Variants in PLOD2 observed in about 807,000 individuals in gnomAD.
PLOD2 encodes lysine hydroxylase 2.
PLOD2 carries 65 observed loss-of-function variants against 101.0 expected under a neutral mutation model. That is an observed-to-expected ratio of 0.64 (90% CI 0.53 to 0.79). PLOD2 has a LOEUF of 0.79. Ranked by LOEUF, PLOD2 falls within the 30% of genes least tolerant of loss-of-function variation. The pLI is 0.00. For missense variants in PLOD2, 909 were observed against 914.6 expected (o/e 0.99, Z 0.08); for synonymous variants, 314 against 302.9 (o/e 1.04, Z -0.38).
intron 12 of PLOD2, among the ~76,000 whole-genome samples, chr3:146,080,233 C>T (rs1417685384): frequency 2.8e-5 from 4 of 140,410 alleles, no homozygotes; most frequent in African/African-American, 5.2e-5. Flanking sequence ...ACATACACTA[C>T]GTTTTTTCCT....
chr3:146,085,607 C>T (rs1936739799), intron 10 of PLOD2: 1 of 311,314 alleles, frequency 3.2e-6, no homozygotes, highest in Non-Finnish European at 5.8e-6. Flanking sequence ...ACAAATGCAA[C>T]TTACATATCC....
chr3:146,139,273 T>C (rs2031402746), intron 1 of PLOD2, among the ~76,000 whole-genome samples: 1 of 152,184 alleles, frequency 6.6e-6, no homozygotes. Flanking sequence ...TCTTAAAAGA[T>C]GAGTCTCCTG....
Position 146,147,242 on chromosome 3 carries a change from A to G in PLOD2, c.109+13639T>C, listed in dbSNP as rs181991419. Among the ~76,000 whole-genome samples, 7 of 152,320 alleles carry G rather than the reference A, an allele frequency of 4.6e-5. No individual in the cohort carries two copies. The East Asian group carries it at 1.2e-3, about 25-fold the overall frequency. On this transcript the variant is annotated intron_variant, in intron 1 of 19. Coordinates refer to ENST00000282903, the MANE Select transcript of PLOD2 (RefSeq NM_182943.3). Reference sequence around the variant, plus strand: ...ATCACTAGAATATAAGACTTAATATATCTATGTTCAGGCCTTAAAAAATGA... The same window carrying G: ...ATCACTAGAATATAAGACTTAATATGTCTATGTTCAGGCCTTAAAAAATGA...
chr3:146,156,875 G>A (rs993103793), intron 1 of PLOD2, among the ~76,000 whole-genome samples: 1 of 152,184 alleles, frequency 6.6e-6, no homozygotes, highest in Non-Finnish European at 1.5e-5. Context: ...ATGTGAGCTT[G>A]TGCAAGGTAT....
At chr3:146,102,966 A>T in intron 6 of PLOD2, 114 bp from the exon 7 acceptor site, 1 of 656,496 alleles carries the variant, frequency 1.5e-6, no homozygotes, top group Admixed American at 2.2e-5. Context: ...TTTCTCATGG[A>T]TGTAATATTC....
intron 7 of PLOD2, among the ~76,000 whole-genome samples, chr3:146,101,483 A>G (rs73148944): frequency 0.077 from 11,778 of 152,292 alleles, 606 homozygotes; most frequent in Non-Finnish European, 0.11. Context: ...AGTAGGACCA[A>G]ACGAAATCAA....
At chr3:146,132,462 T>C (rs1456589975) in intron 1 of PLOD2, among the ~76,000 whole-genome samples, 2 of 152,186 alleles carry the variant, frequency 1.3e-5, no homozygotes, top group Non-Finnish European at 2.9e-5. Context: ...CTTCCAGAGA[T>C]AATAGATATG....
intron 8 of PLOD2, among the ~76,000 whole-genome samples, chr3:146,091,513 C>T (rs1006486053): frequency 1.3e-5 from 2 of 151,792 alleles, no homozygotes; most frequent in African/African-American, 4.8e-5. Flanking sequence ...AATGCTTTGA[C>T]TAAGCTAACA....
intron 1 of PLOD2, among the ~76,000 whole-genome samples, chr3:146,157,948 TAG>T (rs977867327): frequency 2.6e-5 from 4 of 152,136 alleles, no homozygotes; most frequent in African/African-American, 9.7e-5. Flanking sequence ...CACAGTAAAT[TAG>T]AGAGTTTATA....
rs778350525 is a variant in PLOD2 at position 146,076,813 on chromosome 3, T to C, written c.1646A>G (p.Asn549Ser). 3 of 1,576,254 alleles carry C rather than the reference T, an allele frequency of 1.9e-6. No individual in the cohort carries two copies. The highest frequency in any genetic ancestry group is 1.7e-5 in the Admixed American group (1 of 59,508). Residue 549 changes from asparagine to serine, a missense_variant, in exon 15 of 20, where the codon AAT (asparagine) becomes AGT (serine). Asn to Ser is a conservative substitution (Grantham distance 46). Transcript: ENST00000282903. ...ATTTTCAAAAATCTGCCAGAGGTCA[T>C]TGTTATAATGGGAAGTATTGTAATT... ...TANYNTSHYN[N>S]DLWQIFENPV...
At chr3:146,156,734 T>G (rs1011768353) in intron 1 of PLOD2, among the ~76,000 whole-genome samples, 2 of 152,246 alleles carry the variant, frequency 1.3e-5, no homozygotes, top group Non-Finnish European at 2.9e-5. Context: ...TTTGTTTCTC[T>G]AAGTCACTGA....
intron 1 of PLOD2, among the ~76,000 whole-genome samples, chr3:146,140,767 C>T (rs2031483007): frequency 6.6e-6 from 1 of 152,002 alleles, no homozygotes; most frequent in African/African-American, 2.4e-5. Flanking sequence ...GATAATTAAG[C>T]AAAGAATACC....
At chr3:146,105,503 A>T (rs1038744242) in intron 5 of PLOD2, among the ~76,000 whole-genome samples, 10 of 152,180 alleles carry the variant, frequency 6.6e-5, no homozygotes, top group Non-Finnish European at 1.3e-4. Flanking sequence ...CAACACCCAT[A>T]ATCTCCAGGC....
At chr3:146,143,098 C>T (rs1312216609) in intron 1 of PLOD2, among the ~76,000 whole-genome samples, 1 of 152,106 alleles carries the variant, frequency 6.6e-6, no homozygotes, top group Non-Finnish European at 1.5e-5. Flanking sequence ...TTTTGGCCTA[C>T]TTCCTAGAGT....
rs999304538 is a variant in PLOD2, at chr3:146,070,678, C to G, written c.*39G>C. ...CAAAGACGTGTTCATGCCAGTCATT[C>G]ATCCAAAATAAATTTCAATTCAATG... On this transcript the variant is annotated 3_prime_UTR_variant, in exon 20 of 20. Coordinates refer to ENST00000282903, the MANE Select transcript of PLOD2 (RefSeq NM_182943.3). 3.6e-6 allele frequency: 5 copies of G among 1,393,352 alleles called. No individual in the cohort carries two copies. The Admixed American group carries it at 6.9e-5, about 19-fold the overall frequency. The allele number at this position is 1,393,352 out of a possible 1,614,324, so 86.3% of individuals were successfully genotyped here. A position where few individuals can be genotyped will look rare whatever the true frequency, so the allele number is the denominator to read the frequency against.
chr3:146,130,870 G>A (rs908569838), intron 1 of PLOD2, among the ~76,000 whole-genome samples: 42 of 152,186 alleles, frequency 2.8e-4, no homozygotes, highest in African/African-American at 1.0e-3. Context: ...AGATCTGCTT[G>A]TAAGGTTGGT....
intron 1 of PLOD2, among the ~76,000 whole-genome samples, chr3:146,133,308 A>G (rs2031033061): frequency 6.6e-6 from 1 of 152,236 alleles, no homozygotes; most frequent in Admixed American, 6.5e-5. Flanking sequence ...CTTGAAATAA[A>G]TACAGTGACA....
At chr3:146,133,309 T>C (rs1446423058) in intron 1 of PLOD2, among the ~76,000 whole-genome samples, 3 of 152,168 alleles carry the variant, frequency 2.0e-5, no homozygotes, top group Non-Finnish European at 2.9e-5. Context: ...TTGAAATAAA[T>C]ACAGTGACAT....
At chr3:146,124,413 A>G (rs973754983) in intron 1 of PLOD2, among the ~76,000 whole-genome samples, 184 bp from the exon 2 acceptor site, 3 of 152,128 alleles carry the variant, frequency 2.0e-5, no homozygotes, top group Non-Finnish European at 4.4e-5. Flanking sequence ...ATTACTGCCA[A>G]ATGATGAACC....
Sources: allele counts gnomAD v4.1 joint callset (sites outside exome capture counted in the v4.1 genomes callset), GRCh38; gene constraint gnomAD v4.1.1; transcripts MANE v1.5; gene names NCBI Gene and HGNC (gene_info 2026-07-23, HGNC 2026-07-21).